The following MACF1 variants were observed in gnomAD, a reference collection of about 807,000 sequenced individuals.
MACF1 encodes the protein microtubule-actin cross-linking factor 1.
Under a neutral mutation model 854.8 loss-of-function variants are expected in MACF1, and 193 were observed. The ratio of observed to expected loss-of-function variants is 0.23; its 90% CI spans 0.20 to 0.25. The LOEUF is 0.25. Ranked by LOEUF, MACF1 falls within the 10% of genes least tolerant of loss-of-function variation. The pLI is 1.00. For synonymous variants in MACF1, 3,185 were observed against 3,226.7 expected (o/e 0.99, Z 0.44); for missense variants, 7,722 against 8,929.1 (o/e 0.86, Z 5.45).
At chr1:39,451,859 G>GT (rs940994310) in intron 85 of MACF1, among the ~76,000 whole-genome samples, 1 of 152,010 alleles carries the variant, frequency 6.6e-6, no homozygotes, top group East Asian at 1.9e-4. Context: ...TTTTCTGGTT[G>GT]TTTTTTTCTT....
rs766737742 is a variant in MACF1 at position 39,149,721 on chromosome 1, C to T, written c.220+65283C>T. ...CTGCAATAAGAAGAGAGCCAGGGTTCAGTCATCCCAGCCCGATATTTAAAG... is the reference window on the plus strand; with the variant it reads ...CTGCAATAAGAAGAGAGCCAGGGTTTAGTCATCCCAGCCCGATATTTAAAG... On this transcript the variant is annotated intron_variant, in intron 2 of 93. Transcript: ENST00000361689. 3.1e-4 allele frequency among the ~76,000 whole-genome samples: 34 copies of T among 108,166 alleles called. No homozygotes were observed. In the Middle Eastern group the frequency reaches 0.017, roughly 55 times the overall value. 71.0% of individuals were successfully genotyped at this position (108,166 alleles called of 152,430 possible).
rs1644140072 is a variant in MACF1, at chr1:39,442,521, T to A, written c.19058T>A (p.Ile6353Lys). 6.2e-7 allele frequency: 1 copy of A among 1,614,126 alleles called. No homozygotes were observed. The highest frequency in any genetic ancestry group is 1.3e-5 in the African/African-American group (1 of 75,008). ...GAGTTGTTAGATGCTCAGAGACCAA[T>A]AAGTGGAGACCCAAAAGTCATTGAA... ...TEELLDAQRP[I>K]SGDPKVIEVE... Residue 6353 changes from isoleucine (I) to lysine (K), a missense_variant, in exon 77 of 101, where the codon ATA becomes AAA. Transcript: ENST00000564288.
Position 39,233,795 on chromosome 1 carries a change from T to A in MACF1, c.171+2552T>A, listed in dbSNP as rs868846928. Among the ~76,000 whole-genome samples, 25 of 91,350 alleles carry A rather than the reference T, an allele frequency of 2.7e-4. 1 individual carries two copies. The highest frequency in any genetic ancestry group is 7.7e-4 in the African/African-American group (24 of 31,072). 59.9% of individuals were successfully genotyped at this position (91,350 alleles called of 152,430 possible). A position where few individuals can be genotyped will look rare whatever the true frequency, so the allele number is the denominator to read the frequency against. The stretch of plus-strand genomic sequence containing the variant: ...CATAGCTTTTTTTTTTTTTTTTTTT[T>A]TTATTTATTTTTTATTGATAATTCT... On this transcript the variant is annotated intron_variant, in intron 2 of 100. Coordinates refer to ENST00000564288, the MANE Select transcript of MACF1 (RefSeq NM_001394062.1).
chr1:39,117,799 A>G (rs749328949), intron 2 of MACF1, among the ~76,000 whole-genome samples: 1 of 152,244 alleles, frequency 6.6e-6, no homozygotes, highest in Non-Finnish European at 1.5e-5. Flanking sequence ...ACAAAAGACA[A>G]TAAAGAATGT....
rs1385056560 is a variant in MACF1, at chr1:39,434,473, T to A, written c.17625T>A (p.Arg5875=). Residue 5875 remains arginine, a synonymous_variant, in exon 69 of 101, where the codon CGT becomes CGA. Transcript: ENST00000564288. ...CCATTAGCCTACTCAATTCAGAGCG[T>A]TATGCCCGCCTAGAGCGGGCCCAGG... ...YEAISLLNSE[R]YARLERAQVL... 6.2e-7 allele frequency: 1 copy of A among 1,613,638 alleles called. No homozygotes were observed. Among genetic ancestry groups the A allele is most frequent in the African/African-American group, 1.3e-5 (1 of 74,768 alleles).
At position 39,336,447 on chromosome 1, in the gene MACF1, C is replaced by A; in HGVS notation, c.9859C>A (p.Gln3287Lys). The change falls in exon 37 of 101, where the codon CAA (glutamine) becomes AAA (lysine). Residue 3287 changes from glutamine to lysine, a missense_variant. Coordinates refer to ENST00000564288, the MANE Select transcript of MACF1 (RefSeq NM_001394062.1). ...AGTGTCTCAAAAAGAGAATACAGGG[C>A]AACAGAATGCCATCATTAGTCCTAC... is the stretch of plus-strand genomic sequence containing the variant. ...KGVSQKENTG[Q>K]QNAIISPTVL... 6.2e-7 allele frequency: 1 copy of A among 1,614,116 alleles called. No homozygotes were observed. Among genetic ancestry groups the A allele is most frequent in the Non-Finnish European group, 8.5e-7 (1 of 1,179,978 alleles).
intron 2 of MACF1, among the ~76,000 whole-genome samples, chr1:39,240,853 G>A (rs921454785): frequency 1.3e-5 from 2 of 152,112 alleles, no homozygotes; most frequent in African/African-American, 4.8e-5. Flanking sequence ...CGGGTTGACC[G>A]GTACCACTGT....
chr1:39,212,008 G>T (rs1291687714), intron 1 of MACF1, among the ~76,000 whole-genome samples: 2 of 151,660 alleles, frequency 1.3e-5, no homozygotes, highest in Admixed American at 6.6e-5. Context: ...GGTGATTTTG[G>T]CATTTTAGGA....
At chr1:39,387,158 T>C in intron 57 of MACF1, 29 bp from the exon 58 acceptor site, 2 of 1,603,404 alleles carry the variant, frequency 1.2e-6, no homozygotes, top group South Asian at 1.1e-5. Flanking sequence ...TCAGGCTTTA[T>C]TGATTTCAAT....
At chr1:39,132,927 G>A (rs910427361) in intron 2 of MACF1, among the ~76,000 whole-genome samples, 2 of 152,134 alleles carry the variant, frequency 1.3e-5, no homozygotes, top group Admixed American at 6.5e-5. Flanking sequence ...ACCTGCACTG[G>A]TAGAGCCCCT....
chr1:39,471,775 A>G (rs1644782609), intron 97 of MACF1, among the ~76,000 whole-genome samples: 1 of 152,198 alleles, frequency 6.6e-6, no homozygotes, highest in Admixed American at 6.5e-5. Flanking sequence ...AACATCTAGG[A>G]AATTTCATTT....
rs1477695366 is a variant in MACF1 at position 39,437,872 on chromosome 1, C to T, written c.18084C>T (p.Ile6028=). ...TGATCCCTGCTGAAGTAGACAAGAT[C>T]AGAGAGTGCATCAGTGACAATAAGA... ...PPLIPAEVDK[I]RECISDNKSA... is the part of the protein sequence containing the mutation. Residue 6028 remains isoleucine (I), a synonymous_variant, in exon 71 of 101, where the codon ATC becomes ATT. Transcript: ENST00000564288. The T allele has an allele frequency of 6.2e-7, 1 of 1,614,098 alleles. No homozygotes were observed. The highest frequency in any genetic ancestry group is 8.5e-7 in the Non-Finnish European group (1 of 1,180,016).
rs1396297382 is a variant in MACF1, at chr1:39,332,271, ACAG to A, written c.5684_5686del (p.Thr1895_Glu1896delinsLys). 2 of 1,613,964 alleles carry A rather than the reference ACAG, an allele frequency of 1.2e-6. No individual in the cohort carries two copies. Among genetic ancestry groups the A allele is most frequent in the South Asian group, 2.2e-5 (2 of 91,082 alleles). On this transcript the variant is annotated inframe_deletion, in exon 37 of 101. Coordinates refer to ENST00000564288, the MANE Select transcript of MACF1 (RefSeq NM_001394062.1). ...TAAGGCTCTGTTTCTACCAGCAACC[ACAG>A]AGATTTTGTCCTGGAAGAAAGCAAT...
At chr1:39,221,452 A>T (rs1252068880) in intron 1 of MACF1, among the ~76,000 whole-genome samples, 1 of 152,184 alleles carries the variant, frequency 6.6e-6, no homozygotes, top group Non-Finnish European at 1.5e-5. Context: ...ACTCTAGACC[A>T]AAGATTCCAA....
At chr1:39,099,132 A>C (rs1368811332) in intron 2 of MACF1, among the ~76,000 whole-genome samples, 1 of 152,162 alleles carries the variant, frequency 6.6e-6, no homozygotes, top group African/African-American at 2.4e-5. Flanking sequence ...GCATGTGTGC[A>C]CACACACACA....
chr1:39,147,263 T>C (rs1643487643), intron 2 of MACF1, among the ~76,000 whole-genome samples: 1 of 151,216 alleles, frequency 6.6e-6, no homozygotes. Flanking sequence ...TTTCCTTCCT[T>C]CCTTCTCTTT....
At chr1:39,470,330 T>C (rs1270346085) in intron 97 of MACF1, among the ~76,000 whole-genome samples, 6 of 152,176 alleles carry the variant, frequency 3.9e-5, no homozygotes, top group Admixed American at 3.9e-4. Flanking sequence ...AATTCAGCAG[T>C]AATAATTTTC....
In MACF1 at chr1:39,451,599, G is replaced by A. The variant is rs143389066; in HGVS notation, c.20418+388G>A. The stretch of plus-strand genomic sequence containing the variant: ...ACCTAACAATCCTAACACCAGGCAC[G>A]CCAATATTTAACATAATCTCTATCT... On this transcript the variant is annotated intron_variant, in intron 85 of 100. Transcript: ENST00000564288. 3.6e-3 allele frequency among the ~76,000 whole-genome samples: 541 copies of A among 151,908 alleles called. 4 individuals carry two copies. Among genetic ancestry groups the A allele is most frequent in the African/African-American group, 0.013 (521 of 41,420 alleles).
Position 39,336,190 on chromosome 1 carries a change from A to G in MACF1, c.9602A>G (p.Tyr3201Cys), listed in dbSNP as rs758235072. ...AGACCAGATTCAAAAGAAGTCAGGT[A>G]TCTAGAATTCTCAGACAGAAAAGAC... ...VSRPDSKEVRYLEFSDRKDLH... is the reference protein window; with the variant it reads ...VSRPDSKEVRCLEFSDRKDLH... Residue 3201 changes from tyrosine to cysteine, a missense_variant, in exon 37 of 101, where the codon TAT becomes TGT. Tyr to Cys is a radical substitution (Grantham distance 194). This residue lies in a region of MACF1 where 854 missense variants were observed against 852.6 expected (regional missense o/e 1.00). Coordinates refer to ENST00000564288, the MANE Select transcript of MACF1 (RefSeq NM_001394062.1). 2.5e-6 allele frequency: 4 copies of G among 1,614,172 alleles called. No homozygotes were observed. The Admixed American group carries it at 6.7e-5, about 27-fold the overall frequency.
Sources: allele counts gnomAD v4.1 joint callset (sites outside exome capture counted in the v4.1 genomes callset), GRCh38; gene constraint gnomAD v4.1.1; regional missense constraint gnomAD v4.1.1; transcripts MANE v1.5; gene names NCBI Gene and HGNC (gene_info 2026-07-23, HGNC 2026-07-21).